The following ANKRD42 variants were observed in gnomAD, a reference collection of about 807,000 sequenced individuals.
ANKRD42 encodes the protein ankyrin repeat domain-containing protein 42.
Under a neutral mutation model 51.5 loss-of-function variants are expected in ANKRD42, and 43 were observed. The ratio of observed to expected loss-of-function variants is 0.83; its 90% CI spans 0.65 to 1.08. The LOEUF is 1.08. Among genes scored for constraint, ANKRD42 ranks in the 50% least tolerant of loss-of-function variants. The pLI is 0.00. For missense variants in ANKRD42, 608 were observed against 629.3 expected (o/e 0.97, Z 0.36); for synonymous variants, 203 against 213.0 (o/e 0.95, Z 0.41).
At chr11:83,194,891 C>G (rs1007660206) in intron 1 of ANKRD42, among the ~76,000 whole-genome samples, 163 bp downstream of exon 1, 2 of 152,194 alleles carry the variant, frequency 1.3e-5, no homozygotes, top group African/African-American at 4.8e-5. Context: ...CAGCTCTCCC[C>G]TGTTCTGTAT....
In ANKRD42 at chr11:83,228,231, C is replaced by CTTTTTTTTTTT. The variant is rs11403803; in HGVS notation, c.913+387_913+397dup. On this transcript the variant is annotated intron_variant, in intron 7 of 10. Coordinates refer to ENST00000533342, the MANE Select transcript of ANKRD42 (RefSeq NM_001300975.2). ...AAATAGAAATCATCCCTCTCTCTCTCTTTTTTTTTTTTTTTTTTTTTTTTT... is the reference window on the plus strand; with the variant it reads ...AAATAGAAATCATCCCTCTCTCTCTCTTTTTTTTTTTTTTTTTTTTTTTTTTTTTTTTTTTT... 1.0e-4 allele frequency among the ~76,000 whole-genome samples: 6 copies of CTTTTTTTTTTT among 59,024 alleles called. 1 individual carries two copies. Among genetic ancestry groups the CTTTTTTTTTTT allele is most frequent in the Non-Finnish European group, 1.6e-4 (5 of 30,786 alleles). 38.7% of individuals were successfully genotyped at this position (59,024 alleles called of 152,430 possible).
intron 1 of ANKRD42, among the ~76,000 whole-genome samples, chr11:83,195,883 C>T (rs1325272268): frequency 6.8e-6 from 1 of 146,316 alleles, no homozygotes; most frequent in Non-Finnish European, 1.5e-5. Context: ...CTTGCTCTGT[C>T]CCCCATGCTG....
intron 7 of ANKRD42, among the ~76,000 whole-genome samples, chr11:83,229,724 C>G (rs532471831): frequency 6.6e-6 from 1 of 152,272 alleles, no homozygotes; most frequent in South Asian, 2.1e-4. Flanking sequence ...TCTTCACCCT[C>G]TTTTCGTGAG....
At chr11:83,245,665 T>C in intron 10 of ANKRD42, 41 bp downstream of exon 10, 3 of 1,511,474 alleles carry the variant, frequency 2.0e-6, no homozygotes, top group East Asian at 4.9e-5. Context: ...TTTAAATACC[T>C]CTCTAAATGC....
At chr11:83,233,701 G>T (rs560837345) in intron 7 of ANKRD42, among the ~76,000 whole-genome samples, 1 of 152,014 alleles carries the variant, frequency 6.6e-6, no homozygotes, top group South Asian at 2.1e-4. Context: ...TTTTGTTTTT[G>T]AGATGGAGTC....
Position 83,194,193 on chromosome 11 carries a change from C to G in ANKRD42, c.-478C>G, listed in dbSNP as rs1442922707. 2.2e-6 allele frequency: 1 copy of G among 458,620 alleles called. No homozygotes were observed. Among genetic ancestry groups the G allele is most frequent in the East Asian group, 6.9e-5 (1 of 14,494 alleles). 28.4% of individuals were successfully genotyped at this position (458,620 alleles called of 1,614,324 possible). A position where few individuals can be genotyped will look rare whatever the true frequency, so the allele number is the denominator to read the frequency against. On this transcript the variant is annotated 5_prime_UTR_variant, in exon 1 of 11. Coordinates refer to ENST00000533342, the MANE Select transcript of ANKRD42 (RefSeq NM_001300975.2). Reference sequence around the variant, plus strand: ...GTGAAGTTGGAGGCCACCAAACTACCGACTCCAGGGGAACAGCCAGAGAAG... The same window carrying G: ...GTGAAGTTGGAGGCCACCAAACTACGGACTCCAGGGGAACAGCCAGAGAAG...
chr11:83,194,839 C>T, intron 1 of ANKRD42, 111 bp downstream of exon 1: 2 of 1,126,708 alleles, frequency 1.8e-6, no homozygotes, highest in East Asian at 2.4e-5. Context: ...TCACTCCCCC[C>T]TTTCCCTTTT....
chr11:83,243,573 C>T (rs1201173957), intron 9 of ANKRD42, among the ~76,000 whole-genome samples: 1 of 152,116 alleles, frequency 6.6e-6, no homozygotes, highest in East Asian at 1.9e-4. Context: ...ATCTTAATCC[C>T]CTCTATCTTC....
chr11:83,253,575 G>C (rs1863711600), downstream of ANKRD42, among the ~76,000 whole-genome samples: 1 of 152,164 alleles, frequency 6.6e-6, no homozygotes, highest in East Asian at 1.9e-4. Flanking sequence ...TTTTGTTGTA[G>C]TAATAGACTG....
intron 3 of ANKRD42, chr11:83,209,470 G>A (rs1290746899): frequency 1.4e-6 from 2 of 1,402,202 alleles, no homozygotes; most frequent in Non-Finnish European, 2.0e-6. Context: ...ATGTCGTGCT[G>A]CCCAAGGACA....
chr11:83,254,721 T>A (rs995252626), intron 11 of ANKRD42, among the ~76,000 whole-genome samples: 2 of 152,186 alleles, frequency 1.3e-5, no homozygotes, highest in African/African-American at 4.8e-5. Flanking sequence ...GCACCTGGCC[T>A]CATCTTTAAA....
At chr11:83,231,179 G>A (rs1439431317) in intron 7 of ANKRD42, among the ~76,000 whole-genome samples, 1 of 152,192 alleles carries the variant, frequency 6.6e-6, no homozygotes, top group African/African-American at 2.4e-5. Context: ...CTCACCAACA[G>A]TGTACGAGGG....
At chr11:83,224,743 C>G in intron 5 of ANKRD42, 112 bp from the exon 6 acceptor site, 1 of 806,076 alleles carries the variant, frequency 1.2e-6, no homozygotes, top group Non-Finnish European at 1.8e-6. Context: ...ATGATTGTGC[C>G]ACTGCACTCC....
chr11:83,225,466 G>A (rs778673034), intron 6 of ANKRD42, among the ~76,000 whole-genome samples: 3 of 151,460 alleles, frequency 2.0e-5, no homozygotes, highest in Non-Finnish European at 2.9e-5. Flanking sequence ...TTGGGAGGCC[G>A]AGGTGGGAGG....
chr11:83,236,495 T>C lies in ANKRD42; in HGVS notation c.1005T>C (p.Ser335=). The C allele has an allele frequency of 6.2e-7, 1 of 1,609,950 alleles. No homozygotes were observed. The highest frequency in any genetic ancestry group is 8.5e-7 in the Non-Finnish European group (1 of 1,178,176). ...CCAACAAAGCAGGGGAGAGACCCAG[T>C]GATGTGGCAAAGAGGTATAAATCTC... ...NITNKAGERP[S]DVAKRFAHLA... is the part of the protein sequence containing the mutation. Residue 335 remains serine (S), a synonymous_variant, in exon 8 of 11, where the codon AGT becomes AGC. Transcript: ENST00000533342.
At chr11:83,201,847 GT>G (rs1861883176) in intron 2 of ANKRD42, among the ~76,000 whole-genome samples, 1 of 151,930 alleles carries the variant, frequency 6.6e-6, no homozygotes, top group Admixed American at 6.6e-5. Context: ...TGATGGGGTT[GT>G]TTTTTTCTTA....
intron 1 of ANKRD42, among the ~76,000 whole-genome samples, 183 bp from the exon 2 acceptor site, chr11:83,198,296 C>T (rs1264638035): frequency 6.6e-6 from 1 of 152,156 alleles, no homozygotes; most frequent in East Asian, 1.9e-4. Flanking sequence ...TGTCAACTTC[C>T]ATGCTTTTTA....
At chr11:83,259,178 T>G (rs1399942324), downstream of ANKRD42, 2 of 152,166 alleles carry the variant, frequency 1.3e-5, no homozygotes, top group African/African-American at 4.8e-5. Context: ...TGTAGTTTAG[T>G]GTAGGAAAAA....
intron 5 of ANKRD42, chr11:83,215,269 TTAA>T (rs1862489000): frequency 6.6e-6 from 1 of 152,200 alleles, no homozygotes. Flanking sequence ...TATAGTTTAT[TTAA>T]TATAAATATA....
Sources: allele counts gnomAD v4.1 joint callset (sites outside exome capture counted in the v4.1 genomes callset), GRCh38; gene constraint gnomAD v4.1.1; transcripts MANE v1.5; gene names NCBI Gene and HGNC (gene_info 2026-07-23, HGNC 2026-07-21).